CLASP1: variants seen among roughly 807,000 people sequenced by gnomAD.
CLASP1 encodes cytoplasmic linker associated protein 1.
Under a neutral mutation model 192.3 loss-of-function variants are expected in CLASP1, and 38 were observed. The ratio of observed to expected loss-of-function variants is 0.20; its 90% confidence interval spans 0.15 to 0.26. The LOEUF is 0.26. CLASP1 is among the 10% of genes least tolerant of loss of function. The probability of loss-of-function intolerance (pLI) is 1.00; values close to 1 mark genes in which losing one functional copy is unlikely to be tolerated. For synonymous variants in CLASP1, 691 were observed against 712.8 expected (o/e 0.97, Z 0.49); for missense variants, 1,433 against 1,932.5 (o/e 0.74, Z 4.85).
At chr2:121,548,413 T>C (rs1393113932) in intron 2 of CLASP1, among the ~76,000 whole-genome samples, 6 of 152,200 alleles carry the variant, frequency 3.9e-5, no homozygotes, top group African/African-American at 1.2e-4. Context: ...TATGGGATTA[T>C]GTAAAGAAGC....
At chr2:121,418,836 C>A (rs573953635) in intron 22 of CLASP1, 107 bp from the exon 23 acceptor site, 4 of 788,678 alleles carry the variant, frequency 5.1e-6, no homozygotes, top group African/African-American at 5.0e-5. Flanking sequence ...CGACATTGTT[C>A]GCGCTGGGGA....
At chr2:121,508,003 G>A (rs1169358466) in intron 7 of CLASP1, among the ~76,000 whole-genome samples, 2 of 152,016 alleles carry the variant, frequency 1.3e-5, no homozygotes, top group Admixed American at 1.3e-4. Context: ...AGTCCTTTGG[G>A]TTGAAATGAA....
chr2:121,458,322 T>C (rs952623450), intron 13 of CLASP1, among the ~76,000 whole-genome samples: 1 of 152,232 alleles, frequency 6.6e-6, no homozygotes, highest in Non-Finnish European at 1.5e-5. Flanking sequence ...TGTGAACTAT[T>C]AGATTTTGTT....
chr2:121,628,403 C>T (rs992552791), intron 1 of CLASP1, among the ~76,000 whole-genome samples: 1 of 152,108 alleles, frequency 6.6e-6, no homozygotes, highest in South Asian at 2.1e-4. Flanking sequence ...AGGCCAGGCA[C>T]GATGGCTTAC....
intron 1 of CLASP1, among the ~76,000 whole-genome samples, chr2:121,610,614 A>G (rs111207635): frequency 0.14 from 15,878 of 117,454 alleles, 2,513 homozygotes; most frequent in African/African-American, 0.38. Flanking sequence ...TGCAGGAGGA[A>G]GAGGAACTGG....
At chr2:121,512,702 T>C (rs1559482102) in intron 7 of CLASP1, among the ~76,000 whole-genome samples, 1 of 152,204 alleles carries the variant, frequency 6.6e-6, no homozygotes, top group Non-Finnish European at 1.5e-5. Context: ...ACAGGTCTCT[T>C]TTCTCAACTG....
At chr2:121,445,335 A>C in intron 19 of CLASP1, 1 of 508,162 alleles carries the variant, frequency 2.0e-6, no homozygotes, top group Non-Finnish European at 3.3e-6. Context: ...CTAGAAGCTA[A>C]AATACTAAAG....
intron 12 of CLASP1, 140 bp downstream of exon 12, chr2:121,459,837 AAAG>A: frequency 1.6e-6 from 1 of 621,548 alleles, no homozygotes; most frequent in Non-Finnish European, 2.5e-6. Flanking sequence ...AAAACTACTG[AAAG>A]AAGTGTTAAC....
chr2:121,444,504 G>A (rs186027180), intron 19 of CLASP1, among the ~76,000 whole-genome samples: 37 of 152,218 alleles, frequency 2.4e-4, no homozygotes, highest in Admixed American at 2.4e-3. Flanking sequence ...AATTGACATT[G>A]AAATTTACTT....
rs140503296 is a variant in CLASP1, at chr2:121,644,876, T to TTC, written c.-286+4495_-286+4496insGA. 4.2e-3 allele frequency among the ~76,000 whole-genome samples: 626 copies of TTC among 150,382 alleles called. 2 individuals carry two copies. Among genetic ancestry groups the TTC allele is most frequent in the African/African-American group, 0.015 (607 of 41,008 alleles). Reference sequence around the variant, plus strand: ...AAAAGGCTGAAGCAGGAGGATTGATTAAGTCCAGAAGGTCAAGGTTGCAGT... The same window carrying TTC: ...AAAAGGCTGAAGCAGGAGGATTGATTTCAAGTCCAGAAGGTCAAGGTTGCAGT... On this transcript the variant is annotated intron_variant, in intron 1 of 39. Coordinates refer to ENST00000263710, the Ensembl canonical transcript of CLASP1.
intron 1 of CLASP1, among the ~76,000 whole-genome samples, chr2:121,641,357 G>A (rs903128108): frequency 2.0e-5 from 3 of 149,116 alleles, no homozygotes; most frequent in African/African-American, 4.9e-5. Flanking sequence ...AACAGGTATC[G>A]CCCACACCCA....
At chr2:121,416,277 C>A (rs2078559888) in intron 23 of CLASP1, among the ~76,000 whole-genome samples, 1 of 152,132 alleles carries the variant, frequency 6.6e-6, no homozygotes, top group African/African-American at 2.4e-5. Flanking sequence ...TTTATAGCAG[C>A]CCTAGAGCCC....
intron 2 of CLASP1, among the ~76,000 whole-genome samples, chr2:121,569,621 G>C (rs2059808103): frequency 6.6e-6 from 1 of 152,192 alleles, no homozygotes; most frequent in Non-Finnish European, 1.5e-5. Flanking sequence ...GGGAGGCCAA[G>C]GAGGGCAAAT....
chr2:121,369,843 CTTCTG>C (rs1229816678), intron 34 of CLASP1, among the ~76,000 whole-genome samples: 1 of 151,082 alleles, frequency 6.6e-6, no homozygotes, highest in Non-Finnish European at 1.5e-5. Flanking sequence ...ATTTTTTTTT[CTTCTG>C]TTGAGTTCTT....
intron 8 of CLASP1, among the ~76,000 whole-genome samples, chr2:121,480,285 C>T (rs2092484934): frequency 6.6e-6 from 1 of 152,212 alleles, no homozygotes; most frequent in Non-Finnish European, 1.5e-5. Flanking sequence ...AAGCCAATTT[C>T]CACAGATGCC....
chr2:121,415,534 A>C (rs1230680061), intron 23 of CLASP1, among the ~76,000 whole-genome samples: 11 of 152,246 alleles, frequency 7.2e-5, no homozygotes, highest in Non-Finnish European at 1.5e-4. Context: ...TCATGTGGAT[A>C]GAAAACAACT....
intron 2 of CLASP1, among the ~76,000 whole-genome samples, chr2:121,532,871 A>G (rs2094933125): frequency 6.6e-6 from 1 of 152,214 alleles, no homozygotes; most frequent in African/African-American, 2.4e-5. Context: ...ATTTTTCTGT[A>G]AAAAAGTTTA....
chr2:121,636,167 T>A (rs1187628655), intron 1 of CLASP1, among the ~76,000 whole-genome samples: 1 of 150,144 alleles, frequency 6.7e-6, no homozygotes, highest in Non-Finnish European at 1.5e-5. Context: ...AGAAACCCGG[T>A]CTCTACTAAA....
chr2:121,522,626 T>G (rs1384186329), intron 6 of CLASP1, among the ~76,000 whole-genome samples: 1 of 152,234 alleles, frequency 6.6e-6, no homozygotes, highest in East Asian at 1.9e-4. Context: ...TCCATTTAAA[T>G]GTACTACTTT....
Sources: allele counts gnomAD v4.1 joint callset (sites outside exome capture counted in the v4.1 genomes callset), GRCh38; gene constraint gnomAD v4.1.1; transcripts MANE v1.5; gene names NCBI Gene and HGNC (gene_info 2026-07-23, HGNC 2026-07-21).